Variants in OR2I1 observed in about 807,000 individuals in gnomAD.
OR2I1 encodes the protein putative olfactory receptor 2I1.
chr6:29,553,991 C>T, the OR2I1 span: 1 of 399,006 alleles, frequency 2.5e-6, no homozygotes, highest in Non-Finnish European at 4.4e-6. Context: ...GCCATCTACA[C>T]CTACCTGCAG....
the OR2I1 span, chr6:29,553,560 G>C: frequency 1.0e-5 from 4 of 398,292 alleles, no homozygotes; most frequent in South Asian, 1.3e-4. Context: ...GCGTCCTCCT[G>C]GCGGTGATGG....
chr6:29,556,072 G>T, the OR2I1 span: 6 of 1,613,090 alleles, frequency 3.7e-6, no homozygotes, highest in South Asian at 6.6e-5. Context: ...CCTGGAGGAG[G>T]TGCCTCTTTG....
chr6:29,556,178 C>T, the OR2I1 span: 1 of 1,613,050 alleles, frequency 6.2e-7, no homozygotes, highest in African/African-American at 1.3e-5. Flanking sequence ...TTTGTCAATG[C>T]CATAAGATGA....
the OR2I1 span, chr6:29,550,695 C>T: frequency 0.54 from 82,335 of 152,056 alleles, 23,222 homozygotes; most frequent in African/African-American, 0.7. Flanking sequence ...GGCTCTGATC[C>T]CAGGCATCCA....
chr6:29,552,096 C>T, the OR2I1 span, among the ~76,000 whole-genome samples: 3 of 152,176 alleles, frequency 2.0e-5, no homozygotes, highest in Non-Finnish European at 4.4e-5. Context: ...TTACATAACC[C>T]ATATGTTTCT....
chr6:29,553,701 C>T, the OR2I1 span: 1 of 398,528 alleles, frequency 2.5e-6, no homozygotes, highest in Non-Finnish European at 4.4e-6. Flanking sequence ...AAACCGCGCT[C>T]CTGGCTGAGC....
chr6:29,555,340 T>C, the OR2I1 span: 1 of 153,076 alleles, frequency 6.5e-6, no homozygotes, highest in Admixed American at 6.5e-5. Context: ...TTAATTTAGT[T>C]TCTAAAATGT....
chr6:29,557,325 A>G, the OR2I1 span: 1 of 152,204 alleles, frequency 6.6e-6, no homozygotes, highest in Non-Finnish European at 1.5e-5. Context: ...ACAAGCCATA[A>G]CTACAGTTTT....
the OR2I1 span, chr6:29,555,857 C>A: frequency 6.3e-7 from 1 of 1,591,992 alleles, no homozygotes; most frequent in Admixed American, 1.7e-5. Context: ...TTGACCCCTG[C>A]CAACACCCCA....
chr6:29,556,664 C>T, the OR2I1 span: 44 of 346,226 alleles, frequency 1.3e-4, no homozygotes, highest in Admixed American at 6.1e-4. Context: ...ACTTTAAAAA[C>T]TTAGTCATTG....
chr6:29,555,946 C>T, the OR2I1 span: 11 of 1,613,116 alleles, frequency 6.8e-6, no homozygotes, highest in Non-Finnish European at 9.3e-6. Context: ...AATCTGCCAT[C>T]ATCTTCCCAT....
the OR2I1 span, chr6:29,554,027 G>A: frequency 5.0e-6 from 2 of 398,844 alleles, no homozygotes; most frequent in East Asian, 7.1e-5. Context: ...AACCAGGCAC[G>A]GGGCAAGTTC....
the OR2I1 span, chr6:29,556,142 T>C: frequency 6.2e-7 from 1 of 1,613,074 alleles, no homozygotes. Context: ...CTTCACCACT[T>C]TCAGGGTAAG....
At chr6:29,553,433 T>TC in the OR2I1 span, 1 of 398,828 alleles carries the variant, frequency 2.5e-6, no homozygotes. Flanking sequence ...GACGCGGGCT[T>TC]CACTACTAGC....
At chr6:29,556,132 C>A in the OR2I1 span, 1 of 1,613,132 alleles carries the variant, frequency 6.2e-7, no homozygotes, top group Non-Finnish European at 8.5e-7. Flanking sequence ...CATCACTGGG[C>A]TTCACCACTT....
At chr6:29,554,485 C>T in the OR2I1 span, 1 of 219,288 alleles carries the variant, frequency 4.6e-6, no homozygotes. Flanking sequence ...ACCTCTTGGT[C>T]TCTGCAATCA....
At chr6:29,553,720 T>C in the OR2I1 span, 1 of 398,582 alleles carries the variant, frequency 2.5e-6, no homozygotes. Context: ...GCGGCCGCTG[T>C]GCGCGCCCCG....
the OR2I1 span, chr6:29,554,406 G>C: frequency 2.8e-6 from 1 of 356,926 alleles, no homozygotes; most frequent in East Asian, 4.1e-5. Flanking sequence ...ACAACTCCAC[G>C]CGCAGGGAAA....
chr6:29,556,410 T>C, the OR2I1 span: 4 of 1,288,720 alleles, frequency 3.1e-6, no homozygotes, highest in Non-Finnish European at 3.3e-6. Context: ...ACACTTCTAC[T>C]CCCCACCACA....
Sources: allele counts gnomAD v4.1 joint callset (sites outside exome capture counted in the v4.1 genomes callset), GRCh38; gene constraint gnomAD v4.1.1; transcripts MANE v1.5; gene names NCBI Gene and HGNC (gene_info 2026-07-23, HGNC 2026-07-21).